Variants in CDC37L1 observed in about 807,000 individuals in gnomAD.
CDC37L1 encodes the protein cell division cycle 37 like 1, HSP90 cochaperone.
CDC37L1 carries 32 observed loss-of-function variants against 45.9 expected under a neutral mutation model. The ratio of observed to expected loss-of-function variants is 0.70; its 90% confidence interval spans 0.53 to 0.94. CDC37L1 has a LOEUF of 0.94. Among genes scored for constraint, CDC37L1 ranks in the 40% least tolerant of loss-of-function variants. The pLI is 0.00. For missense variants in CDC37L1, 434 were observed against 405.7 expected, an observed-to-expected ratio of 1.07 and a Z score of -0.60; for synonymous variants, 150 against 133.0, an observed-to-expected ratio of 1.13 and a Z score of -0.88.
intron 5 of CDC37L1, 66 bp downstream of exon 5, chr9:4,697,945 T>G (rs1841362844): frequency 6.7e-7 from 1 of 1,489,076 alleles, no homozygotes; most frequent in South Asian, 1.2e-5. Context: ...TTTGTTCTGT[T>G]CATATCAATA....
intron 1 of CDC37L1, among the ~76,000 whole-genome samples, chr9:4,681,775 G>A (rs1295264814): frequency 6.6e-6 from 1 of 152,012 alleles, no homozygotes; most frequent in Admixed American, 6.5e-5. Flanking sequence ...ATGTTTAATT[G>A]ATTAACATTT....
chr9:4,699,750 A>T (rs1292331458), intron 5 of CDC37L1, among the ~76,000 whole-genome samples: 1 of 152,132 alleles, frequency 6.6e-6, no homozygotes, highest in East Asian at 1.9e-4. Context: ...GGATCCTAGT[A>T]ATGATCCATA....
Position 4,688,508 on chromosome 9 carries a change from C to A in CDC37L1, c.415-5C>A, listed in dbSNP as rs115150685. ...CTGATTTAAATTTCTAAAATTTTTTCTTAGAGTTTTATTAATCAAGATAAA... is the reference window on the plus strand; with the variant it reads ...CTGATTTAAATTTCTAAAATTTTTTATTAGAGTTTTATTAATCAAGATAAA... On this transcript the variant is annotated splice_region_variant and splice_polypyrimidine_tract_variant and intron_variant, in intron 2 of 6. Coordinates refer to ENST00000381854, the MANE Select transcript of CDC37L1 (RefSeq NM_017913.4). 2.2e-6 allele frequency: 3 copies of A among 1,392,406 alleles called. No individual in the cohort carries two copies. The highest frequency in any genetic ancestry group is 2.5e-5 in the Admixed American group (1 of 40,736). 86.3% of individuals were successfully genotyped at this position (1,392,406 alleles called of 1,614,324 possible).
chr9:4,701,355 A>G (rs1433613149), intron 5 of CDC37L1, among the ~76,000 whole-genome samples: 1 of 152,190 alleles, frequency 6.6e-6, no homozygotes, highest in African/African-American at 2.4e-5. Flanking sequence ...GACGTTGACT[A>G]TTGAATTCTA....
chr9:4,679,943 T>G, intron 1 of CDC37L1, 44 bp downstream of exon 1: 2 of 1,606,810 alleles, frequency 1.2e-6, no homozygotes, highest in Non-Finnish European at 1.7e-6. Context: ...AGTGGTGCTG[T>G]CGCCAAACCC....
chr9:4,694,878 G>T (rs1233611382), intron 3 of CDC37L1, among the ~76,000 whole-genome samples: 1 of 148,378 alleles, frequency 6.7e-6, no homozygotes. Context: ...TCAACAAAAA[G>T]AAAAAAAAAA....
intron 1 of CDC37L1, among the ~76,000 whole-genome samples, chr9:4,683,115 T>C (rs1407392360): frequency 6.9e-6 from 1 of 144,146 alleles, no homozygotes; most frequent in Non-Finnish European, 1.5e-5. Flanking sequence ...ATATAAAATA[T>C]ATTTTATATA....
In CDC37L1 at chr9:4,707,394, A is replaced by C. The variant is rs1453915457; in HGVS notation, c.*1282A>C. On this transcript the variant is annotated 3_prime_UTR_variant, in exon 7 of 7. Coordinates refer to ENST00000381854, the MANE Select transcript of CDC37L1 (RefSeq NM_017913.4). ...AAGTACCCATTAAGGCTAGTAGCAA[A>C]CACTTGGAAGGTGGCTAACTGGGAC... The C allele has an allele frequency of 6.6e-6, 1 of 152,208 alleles. No homozygotes were observed. The highest frequency in any genetic ancestry group is 1.5e-5 in the Non-Finnish European group (1 of 68,046). The allele number at this position is 152,208 out of a possible 1,614,324, so 9.4% of individuals were successfully genotyped here.
chr9:4,686,890 C>CA (rs1187193997), intron 2 of CDC37L1, among the ~76,000 whole-genome samples: 1 of 151,754 alleles, frequency 6.6e-6, no homozygotes, highest in East Asian at 1.9e-4. Flanking sequence ...GATGTAGTGC[C>CA]AAAAAAAGTA....
At chr9:4,691,533 T>C (rs577959189) in intron 3 of CDC37L1, among the ~76,000 whole-genome samples, 1 of 152,278 alleles carries the variant, frequency 6.6e-6, no homozygotes, top group Admixed American at 6.5e-5. Flanking sequence ...TTGGAGGCTT[T>C]CTGGACTTGG....
chr9:4,703,073 C>A lies in CDC37L1; in HGVS notation c.912+1045C>A, dbSNP rs573024545. The A allele has an allele frequency of 1.9e-6, 3 of 1,541,802 alleles. No individual in the cohort carries two copies. In the African/African-American group the frequency reaches 4.1e-5, roughly 21 times the overall value. ...TAGCACTTTAATAGAGCCCAGTCAT[C>A]TCTCATTTCCAGGCTCCAAGATTTT... On this transcript the variant is annotated intron_variant, in intron 6 of 6. Transcript: ENST00000381854.
At chr9:4,691,238 C>T (rs751676791) in intron 3 of CDC37L1, among the ~76,000 whole-genome samples, 8 of 152,068 alleles carry the variant, frequency 5.3e-5, no homozygotes, top group Admixed American at 1.3e-4. Flanking sequence ...CATAGGTAAG[C>T]GTGTGTCTTG....
intron 1 of CDC37L1, among the ~76,000 whole-genome samples, chr9:4,683,004 AATAT>A (rs199786254): frequency 2.8e-5 from 4 of 143,902 alleles, no homozygotes; most frequent in Non-Finnish European, 6.1e-5. Flanking sequence ...ATTAAAATAT[AATAT>A]ATATATTAAA....
At position 4,706,844 on chromosome 9, in the gene CDC37L1, T is replaced by C. The variant is rs1841447603; in HGVS notation, c.*732T>C. ...TATAGATTTTCTTTTTAAATAAGAA[T>C]AACTTCAAGCTCACTCTTTCTTAAC... On this transcript the variant is annotated 3_prime_UTR_variant, in exon 7 of 7. Transcript: ENST00000381854. The C allele has an allele frequency of 8.0e-6, 1 of 125,324 alleles. No individual in the cohort carries two copies. Among genetic ancestry groups the C allele is most frequent in the Non-Finnish European group, 1.6e-5 (1 of 61,672 alleles). 7.8% of individuals were successfully genotyped at this position (125,324 alleles called of 1,614,324 possible). A position where few individuals can be genotyped will look rare whatever the true frequency, so the allele number is the denominator to read the frequency against.
chr9:4,684,836 C>T, intron 1 of CDC37L1, 41 bp from the exon 2 acceptor site: 2 of 1,442,414 alleles, frequency 1.4e-6, no homozygotes, highest in African/African-American at 1.4e-5. Context: ...CACAAACATC[C>T]ATTGCTTTCT....
At chr9:4,703,308 C>T (rs1477662944) in intron 6 of CDC37L1, 3 of 388,382 alleles carry the variant, frequency 7.7e-6, no homozygotes, top group African/African-American at 2.1e-5. Flanking sequence ...ATCATATTTA[C>T]CCCAGTCAAA....
At position 4,695,841 on chromosome 9, in the gene CDC37L1, A is replaced by T; in HGVS notation, c.509-1255A>T. Among the ~76,000 whole-genome samples the T allele has an allele frequency of 1.3e-5, 2 of 152,118 alleles. 1 individual carries two copies. Among genetic ancestry groups the T allele is most frequent in the East Asian group, 3.9e-4 (2 of 5,188 alleles). ...TCTCTCGCTCTGTCGCCCAGGCTGG[A>T]GTGCTGTGGTGCAATCTCGGCTCGC... is the stretch of plus-strand genomic sequence containing the variant. On this transcript the variant is annotated intron_variant, in intron 3 of 6. Transcript: ENST00000381854.
At chr9:4,687,243 G>C (rs1313486409) in intron 2 of CDC37L1, among the ~76,000 whole-genome samples, 1 of 152,120 alleles carries the variant, frequency 6.6e-6, no homozygotes, top group Non-Finnish European at 1.5e-5. Flanking sequence ...AGAAACTTCT[G>C]CCAGTTTTTC....
chr9:4,679,605 G>T lies in CDC37L1; in HGVS notation c.-163G>T. 1 of 599,612 alleles carries T rather than the reference G, an allele frequency of 1.7e-6. No homozygotes were observed. The highest frequency in any genetic ancestry group is 3.2e-5 in the East Asian group (1 of 30,986). The allele number at this position is 599,612 out of a possible 1,614,324, so 37.1% of individuals were successfully genotyped here. On this transcript the variant is annotated 5_prime_UTR_variant, in exon 1 of 7. Coordinates refer to ENST00000381854, the MANE Select transcript of CDC37L1 (RefSeq NM_017913.4). ...CGCCGGTGGCGAGGCCCAGGCTGTCGCCGGGTGTGCAGCGGCGTCGCGGCC... is the reference window on the plus strand; with the variant it reads ...CGCCGGTGGCGAGGCCCAGGCTGTCTCCGGGTGTGCAGCGGCGTCGCGGCC...
Sources: allele counts gnomAD v4.1 joint callset (sites outside exome capture counted in the v4.1 genomes callset), GRCh38; gene constraint gnomAD v4.1.1; transcripts MANE v1.5; gene names NCBI Gene and HGNC (gene_info 2026-07-23, HGNC 2026-07-21).